The following DENND4C variants were observed in gnomAD, a reference collection of about 807,000 sequenced individuals.
DENND4C encodes DENN domain-containing protein 4C.
A neutral mutation model predicts 203.0 loss-of-function variants in DENND4C; 108 were observed. The observed-to-expected ratio is 0.53, with a 90% CI of 0.46 to 0.62. DENND4C has a LOEUF of 0.62. Among genes scored for constraint, DENND4C ranks in the 20% least tolerant of loss-of-function variants. The pLI is 0.00. For synonymous variants in DENND4C, 871 were observed against 792.4 expected (o/e 1.10, Z -1.67); for missense variants, 2,481 against 2,301.2 (o/e 1.08, Z -1.60).
chr9:19,250,622 A>G (rs1226437909), intron 1 of DENND4C, among the ~76,000 whole-genome samples: 1 of 152,084 alleles, frequency 6.6e-6, no homozygotes, highest in Non-Finnish European at 1.5e-5. Flanking sequence ...TTAGCTTGTA[A>G]AATCAAAAGC....
At chr9:19,351,953 G>T in intron 24 of DENND4C, 120 bp from the exon 25 acceptor site, 1 of 702,604 alleles carries the variant, frequency 1.4e-6, no homozygotes, top group Non-Finnish European at 2.4e-6. Flanking sequence ...TTTTTATACT[G>T]AGCCACTTGA....
chr9:19,310,004 A>G (rs1840438442), intron 10 of DENND4C, among the ~76,000 whole-genome samples: 7 of 152,158 alleles, frequency 4.6e-5, no homozygotes, highest in Admixed American at 4.6e-4. Context: ...GATAATTCAC[A>G]TCTTTTGTTA....
At chr9:19,276,049 A>C in intron 1 of DENND4C, 109 bp from the exon 2 acceptor site, 1 of 521,538 alleles carries the variant, frequency 1.9e-6, no homozygotes, top group East Asian at 3.5e-5. Flanking sequence ...TTTGATTATA[A>C]ATCTAGCTGG....
At chr9:19,368,265 T>A (rs928396483) in intron 30 of DENND4C, among the ~76,000 whole-genome samples, 14 of 141,134 alleles carry the variant, frequency 9.9e-5, no homozygotes, top group African/African-American at 4.3e-4. Context: ...CTATTTTTTT[T>A]TTTTTTTTTT....
chr9:19,367,434 C>CT (rs1297812066), intron 30 of DENND4C, among the ~76,000 whole-genome samples: 4 of 152,228 alleles, frequency 2.6e-5, no homozygotes, highest in African/African-American at 9.6e-5. Flanking sequence ...AAACAAATGT[C>CT]TATCAGTCTA....
chr9:19,334,017 C>T (rs2803122), intron 17 of DENND4C, among the ~76,000 whole-genome samples: 76,209 of 151,868 alleles, frequency 0.5, 19,885 homozygotes, highest in African/African-American at 0.67. Context: ...AGAGAGACTT[C>T]AATTATACTT....
At chr9:19,253,536 G>C (rs1827178806) in intron 1 of DENND4C, among the ~76,000 whole-genome samples, 1 of 152,188 alleles carries the variant, frequency 6.6e-6, no homozygotes, top group South Asian at 2.1e-4. Context: ...TAGTTACCAA[G>C]CCCCTATTTT....
chr9:19,315,761 A>G (rs1474565755), intron 10 of DENND4C, among the ~76,000 whole-genome samples: 1 of 150,710 alleles, frequency 6.6e-6, no homozygotes, highest in Non-Finnish European at 1.5e-5. Flanking sequence ...GCCTGAGTGC[A>G]GTAGCGCAAT....
intron 12 of DENND4C, among the ~76,000 whole-genome samples, 179 bp downstream of exon 12, chr9:19,317,018 A>AT (rs1236357836): frequency 6.6e-6 from 1 of 151,962 alleles, no homozygotes; most frequent in Non-Finnish European, 1.5e-5. Flanking sequence ...TTTATAGCCC[A>AT]TTTTTCTCCT....
At position 19,358,830 on chromosome 9, in the gene DENND4C, G is replaced by C. The variant is rs1461734030; in HGVS notation, c.5160+670G>C. On this transcript the variant is annotated intron_variant, in intron 28 of 32. Coordinates refer to ENST00000434457, the MANE Select transcript of DENND4C (RefSeq NM_001330640.2). The surrounding 1 kb of genome is among the most constrained non-coding windows in gnomAD (Gnocchi z 4.8). ...CGATAAAAGTTGGAATTTGTGTCCG[G>C]AACCTTGATCAGATTTGGGGTTTTT... Among the ~76,000 whole-genome samples the C allele has an allele frequency of 6.6e-6, 1 of 151,798 alleles. No homozygotes were observed. Among genetic ancestry groups the C allele is most frequent in the Non-Finnish European group, 1.5e-5 (1 of 68,026 alleles).
intron 30 of DENND4C, among the ~76,000 whole-genome samples, chr9:19,364,786 T>C (rs1827272852): frequency 6.6e-6 from 1 of 151,898 alleles, no homozygotes; most frequent in African/African-American, 2.4e-5. Flanking sequence ...TCCCAGCTAG[T>C]TGGGAGGCTG....
intron 1 of DENND4C, among the ~76,000 whole-genome samples, chr9:19,238,340 C>A (rs1822563626): frequency 6.6e-6 from 1 of 151,774 alleles, no homozygotes; most frequent in South Asian, 2.1e-4. Context: ...CCTTGGCCTC[C>A]CAAAGTGCTG....
intron 12 of DENND4C, among the ~76,000 whole-genome samples, chr9:19,319,323 T>TAC (rs1190702786): frequency 7.2e-4 from 31 of 43,072 alleles, no homozygotes; most frequent in African/African-American, 1.6e-3. Context: ...CACACATATA[T>TAC]ATACATATAT....
chr9:19,264,819 TCTA>T (rs1830157518), intron 1 of DENND4C, among the ~76,000 whole-genome samples: 1 of 152,114 alleles, frequency 6.6e-6, no homozygotes, highest in East Asian at 1.9e-4. Flanking sequence ...ATCTTTTTCT[TCTA>T]CTAATTTTGG....
chr9:19,267,798 T>G (rs1830816000), intron 1 of DENND4C, among the ~76,000 whole-genome samples: 1 of 152,092 alleles, frequency 6.6e-6, no homozygotes, highest in Non-Finnish European at 1.5e-5. Flanking sequence ...ATCAGCCTCC[T>G]AAAGTGCTGA....
In DENND4C at chr9:19,286,760, G is replaced by A; in HGVS notation, c.306-9G>A. ...TCTATATCTATTTCTTCCCCTTCCT[G>A]CCATGCAGAGTTCTATATGAAGGGA... is the stretch of plus-strand genomic sequence containing the variant. On this transcript the variant is annotated splice_polypyrimidine_tract_variant and intron_variant, in intron 2 of 32. Coordinates refer to ENST00000434457, the MANE Select transcript of DENND4C (RefSeq NM_001330640.2). The A allele has an allele frequency of 1.6e-6, 2 of 1,231,890 alleles. No individual in the cohort carries two copies. Among genetic ancestry groups the A allele is most frequent in the South Asian group, 4.1e-5 (1 of 24,318 alleles). The allele number at this position is 1,231,890 out of a possible 1,614,324, so 76.3% of individuals were successfully genotyped here. A position where few individuals can be genotyped will look rare whatever the true frequency, so the allele number is the denominator to read the frequency against.
chr9:19,312,167 G>A (rs535164518), intron 10 of DENND4C, among the ~76,000 whole-genome samples: 28 of 152,082 alleles, frequency 1.8e-4, no homozygotes, highest in Non-Finnish European at 3.4e-4. Flanking sequence ...GTAGTGGCGC[G>A]ATCTTGGCTC....
intron 30 of DENND4C, among the ~76,000 whole-genome samples, chr9:19,364,913 A>C (rs980125715): frequency 5.3e-5 from 8 of 151,370 alleles, no homozygotes; most frequent in Admixed American, 2.0e-4. Context: ...AAGAAAACGA[A>C]AAAAAAAGAA....
rs141880211 is a variant in DENND4C at position 19,332,082 on chromosome 9, T to C, written c.2358T>C (p.Leu786=). The C allele has an allele frequency of 3.1e-6, 5 of 1,614,008 alleles. No individual in the cohort carries two copies. The highest frequency in any genetic ancestry group is 3.4e-6 in the Non-Finnish European group (4 of 1,180,002). ...SHCYSLWFIC[L]PAYVRVSHPK... is the part of the protein sequence containing the mutation. ...GTTACAGTTTATGGTTTATTTGTCTTCCGGCCTATGTTAGAGTTTCTCATC... is the reference window on the plus strand; with the variant it reads ...GTTACAGTTTATGGTTTATTTGTCTCCCGGCCTATGTTAGAGTTTCTCATC... Residue 786 remains leucine (L), a synonymous_variant, in exon 17 of 33, where the codon CTT becomes CTC. Coordinates refer to ENST00000434457, the MANE Select transcript of DENND4C (RefSeq NM_001330640.2).
Sources: gnomAD v4.1 joint callset for allele counts (sites outside exome capture counted in the v4.1 genomes callset) on GRCh38, gnomAD v4.1.1 for gene constraint, Gnocchi (gnomAD v3.1) non-coding constraint, MANE v1.5 for transcripts, NCBI Gene and HGNC (gene_info 2026-07-23, HGNC 2026-07-21) for gene names.